The following GPS1 variants were observed in gnomAD, a reference collection of about 807,000 sequenced individuals.
GPS1 encodes G protein pathway suppressor 1.
In GPS1, 11 loss-of-function variants were observed where a neutral mutation model predicts 60.0. The ratio of observed to expected loss-of-function variants is 0.18; its 90% CI spans 0.12 to 0.30. GPS1 has a LOEUF of 0.30. Ranked by LOEUF, GPS1 falls within the 10% of genes least tolerant of loss-of-function variation. The pLI is 1.00. For missense variants in GPS1, 543 were observed against 669.2 expected (o/e 0.81, Z 2.08); for synonymous variants, 343 against 269.8 (o/e 1.27, Z -2.66).
chr17:82,051,580 C>A, upstream of GPS1: 3 of 1,340,876 alleles, frequency 2.2e-6, no homozygotes, highest in South Asian at 3.5e-5. The surrounding 1 kb of genome is among the most constrained non-coding windows in gnomAD (Gnocchi z 4.1). Context: ...GTCTTGACGG[C>A]GATGAAGACG....
In GPS1 at chr17:82,056,499, C is replaced by T. The variant is rs949076879; in HGVS notation, c.1065C>T (p.Ala355=). 2.5e-6 allele frequency: 4 copies of T among 1,613,172 alleles called. No individual in the cohort carries two copies. Among genetic ancestry groups the T allele is most frequent in the Non-Finnish European group, 2.5e-6 (3 of 1,180,008 alleles). The change falls in exon 10 of 13, where the codon GCC becomes GCT. Residue 355 remains alanine, a synonymous_variant. Transcript: ENST00000578552. ...KDNLLLDMYL[A]PHVRTLYTQI... Reference sequence around the variant, plus strand: ...ACCTGCTCCTGGACATGTATCTGGCCCCCCATGTCAGGACCCTGTACACCC... The same window carrying T: ...ACCTGCTCCTGGACATGTATCTGGCTCCCCATGTCAGGACCCTGTACACCC...
chr17:82,054,428 G>T lies in GPS1; in HGVS notation c.309-82G>T, dbSNP rs993674366. On this transcript the variant is annotated intron_variant, in intron 3 of 12. Coordinates refer to ENST00000578552, the MANE Select transcript of GPS1 (RefSeq NM_001321092.3). ...CCTGTGTGCCGGTTGGGCCTTTGAG[G>T]GCAGCCTGAGATTGGCGGCTTCCTC... is the stretch of plus-strand genomic sequence containing the variant. 15 of 1,432,106 alleles carry T rather than the reference G, an allele frequency of 1.0e-5. No individual in the cohort carries two copies. The African/African-American group carries it at 1.9e-4, about 18-fold the overall frequency. The allele number at this position is 1,432,106 out of a possible 1,614,324, so 88.7% of individuals were successfully genotyped here. A position where few individuals can be genotyped will look rare whatever the true frequency, so the allele number is the denominator to read the frequency against.
intron 11 of GPS1, 25 bp from the exon 12 acceptor site, chr17:82,056,815 C>G: frequency 6.2e-7 from 1 of 1,609,926 alleles, no homozygotes; most frequent in Non-Finnish European, 8.5e-7. Flanking sequence ...TGAGCCTGGG[C>G]CCCGCTGAGC....
At position 82,055,785 on chromosome 17, in the gene GPS1, G is replaced by A. The variant is rs867905702; in HGVS notation, c.794G>A (p.Cys265Tyr). Residue 265 changes from cysteine (C) to tyrosine (Y), a missense_variant, in exon 7 of 13, where the codon TGC becomes TAC. Around this residue, in one of 3 missense-constraint regions of GPS1, gnomAD observed 291 missense variants for 353.7 expected, o/e 0.82. Coordinates refer to ENST00000578552, the MANE Select transcript of GPS1 (RefSeq NM_001321092.3). Reference protein sequence around the residue: ...AARKYKQAAKCLLLASFDHCD... With the variant: ...AARKYKQAAKYLLLASFDHCD... ...AGGAAGTACAAGCAGGCTGCCAAGT[G>A]CCTCCTGCTGGCTTCCTTTGATCAC... 1 of 1,564,886 alleles carries A rather than the reference G, an allele frequency of 6.4e-7. No homozygotes were observed. The highest frequency in any genetic ancestry group is 1.2e-5 in the South Asian group (1 of 85,550).
rs1394182513 is a variant in GPS1, at chr17:82,054,636, G to A, written c.435G>A (p.Leu145=). 1.9e-6 allele frequency: 3 copies of A among 1,610,308 alleles called. No homozygotes were observed. In the Middle Eastern group the frequency reaches 5.0e-4, roughly 266 times the overall value. ...LLKLEKLDTD[L]KNYKGNSIKE... is the part of the protein sequence containing the mutation. ...AGCTGGAGAAGCTGGACACAGACCTGAAGAACTACAAGGGCAACTCCATCA... is the reference window on the plus strand; with the variant it reads ...AGCTGGAGAAGCTGGACACAGACCTAAAGAACTACAAGGGCAACTCCATCA... Residue 145 remains leucine, a synonymous_variant, in exon 4 of 13, where the codon CTG becomes CTA. Coordinates refer to ENST00000578552, the MANE Select transcript of GPS1 (RefSeq NM_001321092.3).
chr17:82,052,371 A>T lies in GPS1; in HGVS notation c.33+407A>T, dbSNP rs1417404295. 9 of 1,612,446 alleles carry T rather than the reference A, an allele frequency of 5.6e-6. No homozygotes were observed. In the Admixed American group the frequency reaches 1.5e-4, roughly 27 times the overall value. The stretch of plus-strand genomic sequence containing the variant: ...GTGACAGATCTGTACTGCACCCCTC[A>T]CAGCAGTAGGTCAGACCTCGTCCTG... On this transcript the variant is annotated intron_variant, in intron 1 of 12. Transcript: ENST00000578552.
chr17:82,055,374 G>A (rs150854600), intron 6 of GPS1, 152 bp downstream of exon 6: 477 of 793,542 alleles, frequency 6.0e-4, no homozygotes, highest in Middle Eastern at 1.8e-3. Flanking sequence ...TGTAGGTGGT[G>A]CCTAAAGTCT....
upstream of GPS1, chr17:82,051,724 G>A: frequency 9.5e-7 from 1 of 1,056,098 alleles, no homozygotes; most frequent in Non-Finnish European, 1.1e-6. The surrounding 1 kb of genome is among the most constrained non-coding windows in gnomAD (Gnocchi z 4.1). Context: ...GCCGCGGCCA[G>A]CGCGAGGCAG....
In GPS1 at chr17:82,056,835, C is replaced by T. The variant is rs772226610; in HGVS notation, c.1255-5C>T. 1.9e-5 allele frequency: 30 copies of T among 1,612,326 alleles called. No homozygotes were observed. The highest frequency in any genetic ancestry group is 2.5e-5 in the Non-Finnish European group (30 of 1,179,798). On this transcript the variant is annotated splice_region_variant and splice_polypyrimidine_tract_variant and intron_variant, in intron 11 of 12. Transcript: ENST00000578552. ...CTGGGCCCCGCTGAGCTTGTGCCTG[C>T]ACAGATCCTATACGCCCGGGACGTG... is the stretch of plus-strand genomic sequence containing the variant.
chr17:82,051,550 G>A (rs1447717174), upstream of GPS1: 78 of 1,397,808 alleles, frequency 5.6e-5, no homozygotes, highest in Non-Finnish European at 6.7e-5. The surrounding 1 kb of genome is among the most constrained non-coding windows in gnomAD (Gnocchi z 4.1). Context: ...CGCAGGCGCG[G>A]CCCGTGGTTC....
chr17:82,051,347 G>C (rs776024957), upstream of GPS1: 77 of 1,468,250 alleles, frequency 5.2e-5, no homozygotes, highest in Non-Finnish European at 5.5e-5. This position sits in a 1 kb window ranked among gnomAD's most constrained non-coding sequence, Gnocchi z 4.1. Flanking sequence ...AAACGTCTGG[G>C]GGAGAAACAA....
At chr17:82,051,756 G>A (rs560366083), upstream of GPS1, 2 of 1,089,386 alleles carry the variant, frequency 1.8e-6, no homozygotes, top group Admixed American at 5.3e-5. The surrounding 1 kb of genome is among the most constrained non-coding windows in gnomAD (Gnocchi z 4.1). Flanking sequence ...CGCCCCACGC[G>A]CGCGGCTCAT....
intron 1 of GPS1, chr17:82,052,536 C>A: frequency 1.3e-6 from 2 of 1,500,352 alleles, no homozygotes; most frequent in Non-Finnish European, 1.8e-6. Context: ...GGCTGGGCCC[C>A]TGCTGCTCTG....
upstream of GPS1, chr17:82,051,797 G>C: frequency 1.8e-5 from 20 of 1,125,998 alleles, no homozygotes; most frequent in Non-Finnish European, 2.2e-5. The surrounding 1 kb of genome is among the most constrained non-coding windows in gnomAD (Gnocchi z 4.1). Context: ...CGCTGCGAGC[G>C]GAGAACCTGG....
At chr17:82,052,553 G>C in intron 1 of GPS1, 1 of 1,434,422 alleles carries the variant, frequency 7.0e-7, no homozygotes, top group Non-Finnish European at 9.4e-7. Flanking sequence ...TCTGCTGGCC[G>C]AGGACAGGGA....
intron 4 of GPS1, 34 bp downstream of exon 4, chr17:82,054,844 A>T (rs1236913070): frequency 6.4e-7 from 1 of 1,574,296 alleles, no homozygotes; most frequent in Non-Finnish European, 8.6e-7. Context: ...GGTGGGCAGC[A>T]TGGCTGGGCC....
chr17:82,056,225 A>T, intron 8 of GPS1, 61 bp from the exon 9 acceptor site: 1 of 1,384,698 alleles, frequency 7.2e-7, no homozygotes, highest in Non-Finnish European at 1.0e-6. Flanking sequence ...CTGGTGTCCC[A>T]CTGGCCACTT....
At chr17:82,051,509 G>T (rs1043777857), upstream of GPS1, 5 of 1,390,948 alleles carry the variant, frequency 3.6e-6, no homozygotes, top group Non-Finnish European at 4.7e-6. This position sits in a 1 kb window ranked among gnomAD's most constrained non-coding sequence, Gnocchi z 4.1. Context: ...CCTGCTGGCG[G>T]GCCCGGGAGA....
intron 6 of GPS1, 34 bp from the exon 7 acceptor site, chr17:82,055,706 C>CGG: frequency 7.6e-7 from 1 of 1,318,042 alleles, no homozygotes; most frequent in Non-Finnish European, 1.1e-6. Flanking sequence ...CTTACCCCCT[C>CGG]TCCCCCCTCC....
Sources: allele counts gnomAD v4.1 joint callset, GRCh38; gene constraint gnomAD v4.1.1; regional missense constraint gnomAD v4.1.1; non-coding constraint Gnocchi (gnomAD v3.1); transcripts MANE v1.5; gene names NCBI Gene and HGNC (gene_info 2026-07-23, HGNC 2026-07-21).